SYT16: variants seen among roughly 807,000 people sequenced by gnomAD.
SYT16 encodes the protein synaptotagmin-16.
Under a neutral mutation model 61.4 loss-of-function variants are expected in SYT16, and 42 were observed. The observed-to-expected ratio is 0.68, with a 90% CI of 0.53 to 0.89. The LOEUF (loss-of-function observed/expected upper bound fraction) is 0.89. Ranked by LOEUF, SYT16 falls within the 40% of genes least tolerant of loss-of-function variation. The probability of loss-of-function intolerance (pLI) is 0.00; values close to 1 mark genes in which losing one functional copy is unlikely to be tolerated. For missense variants in SYT16, 804 were observed against 807.3 expected (o/e 1.00, Z 0.05); for synonymous variants, 314 against 302.3 (o/e 1.04, Z -0.40).
chr14:61,865,366 C>T, intron 1 of SYT16: 5 of 644,616 alleles, frequency 7.8e-6, no homozygotes, highest in Admixed American at 4.0e-5. Flanking sequence ...ACAGGGCACA[C>T]AAGAAGGGGC....
intron 1 of SYT16, among the ~76,000 whole-genome samples, chr14:61,919,253 C>G (rs2049239135): frequency 6.6e-6 from 1 of 152,196 alleles, no homozygotes; most frequent in Non-Finnish European, 1.5e-5. Flanking sequence ...CATCTGTCCT[C>G]TGCATGAACG....
chr14:61,883,848 G>A (rs1339034132), intron 1 of SYT16, among the ~76,000 whole-genome samples: 2 of 152,184 alleles, frequency 1.3e-5, no homozygotes, highest in Non-Finnish European at 2.9e-5. Flanking sequence ...ATGGCGGAAA[G>A]CAGGCACCTT....
intron 7 of SYT16, among the ~76,000 whole-genome samples, chr14:62,087,688 A>G (rs575037657): frequency 6.9e-4 from 105 of 152,332 alleles, no homozygotes; most frequent in African/African-American, 2.5e-3. Flanking sequence ...GAATTCACCA[A>G]CCTGACCCGG....
chr14:62,025,476 G>C (rs904704069), intron 3 of SYT16, among the ~76,000 whole-genome samples: 1 of 152,000 alleles, frequency 6.6e-6, no homozygotes, highest in Non-Finnish European at 1.5e-5. Flanking sequence ...TTTAAGAGTT[G>C]TCTGTATACT....
intron 1 of SYT16, among the ~76,000 whole-genome samples, chr14:61,869,975 C>T (rs768673662): frequency 6.6e-6 from 1 of 152,120 alleles, no homozygotes; most frequent in Non-Finnish European, 1.5e-5. Flanking sequence ...GACCAAGATA[C>T]ACAACAATAT....
chr14:61,980,651 A>C (rs1595073084), intron 2 of SYT16, among the ~76,000 whole-genome samples: 1 of 152,186 alleles, frequency 6.6e-6, no homozygotes, highest in Non-Finnish European at 1.5e-5. Context: ...AAGTGCTGGA[A>C]ATAAAATGGT....
rs60022651 is a variant in SYT16 at position 61,906,787 on chromosome 14, GTCCATCCATCCA to G, written c.-324-63313_-324-63302del. ...CGTCAATCCATCCATCCGTCCGTCC[GTCCATCCATCCA>G]TCCATCCATCCATCCATCCATCCAT... On this transcript the variant is annotated intron_variant, in intron 1 of 7. Transcript: ENST00000683842. 4.2e-4 allele frequency among the ~76,000 whole-genome samples: 60 copies of G among 142,430 alleles called. No individual in the cohort carries two copies. In the South Asian group the frequency reaches 6.6e-3, roughly 16 times the overall value. 93.4% of individuals were successfully genotyped at this position (142,430 alleles called of 152,430 possible).
chr14:62,061,125 T>G (rs573977821), intron 3 of SYT16, among the ~76,000 whole-genome samples: 1 of 152,206 alleles, frequency 6.6e-6, no homozygotes, highest in African/African-American at 2.4e-5. Context: ...TGTAGAGTGG[T>G]ATAATATTGT....
chr14:61,982,921 T>TA lies in SYT16; in HGVS notation c.-145+12610_-145+12611insA, dbSNP rs1420320325. Among the ~76,000 whole-genome samples the TA allele has an allele frequency of 2.0e-5, 3 of 152,220 alleles. No homozygotes were observed. The South Asian group carries it at 6.2e-4, about 32-fold the overall frequency. ...CATCCTGTCTGGAGGATACCACAGG[T>TA]GGTAAAAGTTGCATTTATCAGAGGA... On this transcript the variant is annotated intron_variant, in intron 2 of 7. Transcript: ENST00000683842.
chr14:62,036,712 T>TCTCA (rs2054522616), intron 3 of SYT16, among the ~76,000 whole-genome samples: 1 of 151,986 alleles, frequency 6.6e-6, no homozygotes, highest in Admixed American at 6.6e-5. Context: ...AACTATCAGC[T>TCTCA]CTCATGAGAC....
chr14:62,069,393 C>T (rs962561253), intron 3 of SYT16: 97 of 578,160 alleles, frequency 1.7e-4, no homozygotes, highest in Admixed American at 8.2e-4. Context: ...TAGCTATATA[C>T]CGTATTTCTA....
At chr14:61,880,756 G>C (rs992418309) in intron 1 of SYT16, among the ~76,000 whole-genome samples, 1 of 151,620 alleles carries the variant, frequency 6.6e-6, no homozygotes, top group Non-Finnish European at 1.5e-5. Flanking sequence ...AACTTTTTTT[G>C]TTGTGGTACT....
At chr14:61,838,420 C>T (rs1004836879) in intron 1 of SYT16, among the ~76,000 whole-genome samples, 4 of 152,150 alleles carry the variant, frequency 2.6e-5, no homozygotes, top group African/African-American at 9.7e-5. Flanking sequence ...AGAGGACCCT[C>T]CCAGCTGTTC....
chr14:61,987,873 G>A (rs376826826), intron 2 of SYT16, among the ~76,000 whole-genome samples: 121 of 151,978 alleles, frequency 8.0e-4, no homozygotes, highest in African/African-American at 2.8e-3. Context: ...GAGGGTTACA[G>A]TGACCTTAGT....
At chr14:62,040,446 A>G (rs2054683722) in intron 3 of SYT16, among the ~76,000 whole-genome samples, 4 of 152,224 alleles carry the variant, frequency 2.6e-5, no homozygotes, top group Admixed American at 2.6e-4. Flanking sequence ...TAGTGATTTC[A>G]GGTGCATACA....
intron 7 of SYT16, among the ~76,000 whole-genome samples, chr14:62,087,211 G>A (rs572691881): frequency 6.6e-6 from 1 of 152,344 alleles, no homozygotes; most frequent in African/African-American, 2.4e-5. Context: ...AGGTAACTGA[G>A]AAGAGTTGGA....
chr14:61,898,850 A>G (rs1032569069), intron 1 of SYT16, among the ~76,000 whole-genome samples: 13 of 152,336 alleles, frequency 8.5e-5, no homozygotes, highest in African/African-American at 1.2e-4. Context: ...CCAGCACAGG[A>G]TGAGGCCCGC....
At chr14:61,885,278 G>A (rs1284285618) in intron 1 of SYT16, among the ~76,000 whole-genome samples, 1 of 152,096 alleles carries the variant, frequency 6.6e-6, no homozygotes, top group Non-Finnish European at 1.5e-5. Context: ...CTTTGCCTCA[G>A]TTTCTTTATC....
intron 3 of SYT16, among the ~76,000 whole-genome samples, chr14:61,997,056 T>G (rs917977344): frequency 6.6e-6 from 1 of 152,072 alleles, no homozygotes; most frequent in African/African-American, 2.4e-5. Flanking sequence ...TTGATTTTCT[T>G]TTAGCTCTGA....
Sources: allele counts gnomAD v4.1 joint callset (sites outside exome capture counted in the v4.1 genomes callset), GRCh38; gene constraint gnomAD v4.1.1; transcripts MANE v1.5; gene names NCBI Gene and HGNC (gene_info 2026-07-23, HGNC 2026-07-21).